The following ARHGAP29 variants were observed in gnomAD, a reference collection of about 807,000 sequenced individuals.
ARHGAP29 encodes Rho GTPase activating protein 29.
ARHGAP29 carries 43 observed loss-of-function variants against 122.6 expected under a neutral mutation model. That is an observed-to-expected ratio of 0.35 (90% confidence interval 0.27 to 0.45). ARHGAP29 has a LOEUF of 0.45. Among genes scored for constraint, ARHGAP29 ranks in the 20% least tolerant of loss-of-function variants. ARHGAP29 has a pLI of 1.00. For synonymous variants in ARHGAP29, 506 were observed against 497.1 expected (o/e 1.02, Z -0.24); for missense variants, 1,303 against 1,477.2 (o/e 0.88, Z 1.93).
chr1:94,238,723 A>G (rs1011199545), upstream of ARHGAP29, among the ~76,000 whole-genome samples: 17 of 152,176 alleles, frequency 1.1e-4, no homozygotes, highest in African/African-American at 4.1e-4. Context: ...GAAGGCAGAA[A>G]TAAGTGAAGG....
intron 1 of ARHGAP29, among the ~76,000 whole-genome samples, chr1:94,235,543 T>C (rs952917279): frequency 5.3e-5 from 8 of 152,158 alleles, no homozygotes; most frequent in Admixed American, 5.2e-4. Context: ...CATAAGTGGA[T>C]TGTGAGCAAG....
chr1:94,237,713 G>A (rs1653389128), upstream of ARHGAP29: 3 of 985,178 alleles, frequency 3.0e-6, no homozygotes, highest in African/African-American at 1.7e-5. Flanking sequence ...GGTACGGGAG[G>A]CAACTAGCTC....
At chr1:94,197,589 G>C (rs1650554121) in intron 12 of ARHGAP29, among the ~76,000 whole-genome samples, 1 of 151,778 alleles carries the variant, frequency 6.6e-6, no homozygotes, top group Non-Finnish European at 1.5e-5. Context: ...CTTTCACTGA[G>C]AGAAAAAGAA....
intron 20 of ARHGAP29, among the ~76,000 whole-genome samples, chr1:94,178,616 T>C (rs1649260228): frequency 6.6e-6 from 1 of 152,164 alleles, no homozygotes; most frequent in African/African-American, 2.4e-5. Context: ...CACCTTTTAT[T>C]TCTATGATTA....
At chr1:94,229,037 A>C (rs1268786932) in intron 2 of ARHGAP29, among the ~76,000 whole-genome samples, 1 of 151,860 alleles carries the variant, frequency 6.6e-6, no homozygotes, top group African/African-American at 2.4e-5. Context: ...CCTCTTAAGG[A>C]GACAATACAC....
At chr1:94,208,470 T>C (rs1000536470) in intron 5 of ARHGAP29, among the ~76,000 whole-genome samples, 14 of 152,138 alleles carry the variant, frequency 9.2e-5, no homozygotes, top group East Asian at 7.7e-4. Context: ...TTTTTCTTTT[T>C]TTTTTTGGAG....
At chr1:94,245,211 C>T (rs996783004) in intron 1 of ARHGAP29, among the ~76,000 whole-genome samples, 7 of 152,170 alleles carry the variant, frequency 4.6e-5, no homozygotes, top group African/African-American at 1.7e-4. Context: ...GTACATTTAA[C>T]ATACAACCCA....
At chr1:94,241,977 G>A (rs945151468), upstream of ARHGAP29, among the ~76,000 whole-genome samples, 11 of 151,934 alleles carry the variant, frequency 7.2e-5, no homozygotes, top group Admixed American at 2.0e-4. Flanking sequence ...TTGACAACTT[G>A]AAGAGACAGA....
the ARHGAP29 span, among the ~76,000 whole-genome samples, chr1:94,287,496 ACT>A: frequency 1.1e-4 from 16 of 151,608 alleles, no homozygotes; most frequent in African/African-American, 3.6e-4. Flanking sequence ...AACCTCTTTT[ACT>A]ATTATTATTA....
intron 15 of ARHGAP29, among the ~76,000 whole-genome samples, 167 bp from the exon 16 acceptor site, chr1:94,186,764 C>G (rs1649829257): frequency 1.3e-5 from 2 of 152,132 alleles, no homozygotes; most frequent in African/African-American, 2.4e-5. Context: ...GATACTCATT[C>G]CTGGGAACAA....
chr1:94,180,748 A>G, intron 19 of ARHGAP29, among the ~76,000 whole-genome samples: 1 of 152,214 alleles, frequency 6.6e-6, no homozygotes, highest in East Asian at 1.9e-4. Flanking sequence ...ATAAATGAGT[A>G]GCATGAAGTC....
chr1:94,207,720 T>C (rs1000042708), intron 5 of ARHGAP29, among the ~76,000 whole-genome samples: 1 of 152,222 alleles, frequency 6.6e-6, no homozygotes, highest in Admixed American at 6.5e-5. Flanking sequence ...TTTGGTAATA[T>C]TGTAATACAT....
chr1:94,197,273 C>T (rs1399759935), intron 12 of ARHGAP29, among the ~76,000 whole-genome samples: 6 of 151,650 alleles, frequency 4.0e-5, no homozygotes, highest in Non-Finnish European at 8.8e-5. Flanking sequence ...ATAAAAAGGA[C>T]CAATTCCATG....
At chr1:94,242,414 C>T (rs1011085089), upstream of ARHGAP29, among the ~76,000 whole-genome samples, 1 of 151,964 alleles carries the variant, frequency 6.6e-6, no homozygotes, top group African/African-American at 2.4e-5. Flanking sequence ...TATGTTGTGG[C>T]ATTTATAACA....
intron 1 of ARHGAP29, among the ~76,000 whole-genome samples, chr1:94,256,165 C>G (rs1160478041): frequency 2.0e-5 from 3 of 152,154 alleles, no homozygotes; most frequent in Non-Finnish European, 4.4e-5. Context: ...TCACCTGTCT[C>G]CTCAAGCAGG....
intron 1 of ARHGAP29, among the ~76,000 whole-genome samples, chr1:94,255,732 G>A (rs2100703830): frequency 6.6e-6 from 1 of 152,328 alleles, no homozygotes; most frequent in Non-Finnish European, 1.5e-5. Flanking sequence ...TGTTCTGTAA[G>A]TAAAGAATTT....
Position 94,189,221 on chromosome 1 carries a change from A to C in ARHGAP29, c.1571T>G (p.Ile524Arg), listed in dbSNP as rs372270954. The C allele has an allele frequency of 1.2e-6, 2 of 1,607,110 alleles. No homozygotes were observed. Among genetic ancestry groups the C allele is most frequent in the East Asian group, 4.5e-5 (2 of 44,802 alleles). ...TCTTTAGGGTGGAAAACTACCTGTTATATCTGCACTGTTAGAGCATCTGTC... is the reference window on the plus strand; with the variant it reads ...TCTTTAGGGTGGAAAACTACCTGTTCTATCTGCACTGTTAGAGCATCTGTC... ...EEDRCSNSAD[I>R]TGPSFIRSWT... Residue 524 changes from isoleucine (I) to arginine (R), a missense_variant, in exon 14 of 23, where the codon ATA (isoleucine) becomes AGA (arginine). Around this residue, in one of 3 missense-constraint regions of ARHGAP29, gnomAD observed 592 missense variants for 648.2 expected, o/e 0.91. Coordinates refer to ENST00000260526, the MANE Select transcript of ARHGAP29 (RefSeq NM_004815.4).
intron 14 of ARHGAP29, 25 bp from the exon 15 acceptor site, chr1:94,188,966 A>C (rs1380828397): frequency 6.2e-7 from 1 of 1,600,772 alleles, no homozygotes; most frequent in Non-Finnish European, 8.5e-7. Context: ...ATAAAGTCAA[A>C]ACTTGGCTAC....
upstream of ARHGAP29, among the ~76,000 whole-genome samples, chr1:94,241,859 C>T (rs139862743): frequency 3.8e-4 from 58 of 151,656 alleles, no homozygotes; most frequent in East Asian, 7.0e-3. Flanking sequence ...ACACACCGCA[C>T]TGGGCTCAGG....
Sources: gnomAD v4.1 joint callset for allele counts (sites outside exome capture counted in the v4.1 genomes callset) on GRCh38, gnomAD v4.1.1 for gene constraint, gnomAD v4.1.1 regional missense constraint, MANE v1.5 for transcripts, NCBI Gene and HGNC (gene_info 2026-07-23, HGNC 2026-07-21) for gene names.